Variants in AMDHD2 observed in about 807,000 individuals in gnomAD.
The protein encoded by AMDHD2 is amidohydrolase domain containing 2, also known as N-acetylglucosamine-6-phosphate deacetylase.
In AMDHD2, 24 loss-of-function variants were observed where a neutral mutation model predicts 41.8. The observed-to-expected ratio is 0.57, with a 90% CI of 0.42 to 0.81. The LOEUF (loss-of-function observed/expected upper bound fraction) is 0.81. Ranked by LOEUF, AMDHD2 falls within the 30% of genes least tolerant of loss-of-function variation. The pLI, the probability that AMDHD2 is intolerant of heterozygous loss-of-function variation, is 0.00. For synonymous variants in AMDHD2, 332 were observed against 255.5 expected, an observed-to-expected ratio of 1.30 and a Z score of -2.85; for missense variants, 540 against 588.5, an observed-to-expected ratio of 0.92 and a Z score of 0.85.
rs781126788 is a variant in AMDHD2, at chr16:2,521,106, C to G, written c.343C>G (p.Pro115Ala). ...SFCPTLVTSP[P>A]EVYHKVVPQI... The stretch of plus-strand genomic sequence containing the variant: ...CTGCCCCACCCTGGTCACTTCCCCA[C>G]CGGAGGTTTATCACAAGGTGAGGTG... The change falls in exon 3 of 11, where the codon CCG becomes GCG. Residue 115 changes from proline (P) to alanine (A), a missense_variant. Physicochemically the swap from Pro to Ala is conservative, Grantham distance 27. Coordinates refer to ENST00000293971, the MANE Select transcript of AMDHD2 (RefSeq NM_001330449.2). 1.3e-6 allele frequency: 2 copies of G among 1,589,348 alleles called. No individual in the cohort carries two copies. The highest frequency in any genetic ancestry group is 1.1e-5 in the South Asian group (1 of 89,086).
chr16:2,529,882 T>A lies in AMDHD2; in HGVS notation c.*319T>A. 8.2e-7 allele frequency: 1 copy of A among 1,225,462 alleles called. No individual in the cohort carries two copies. The highest frequency in any genetic ancestry group is 1.1e-6 in the Non-Finnish European group (1 of 916,902). 75.9% of individuals were successfully genotyped at this position (1,225,462 alleles called of 1,614,324 possible). A position where few individuals can be genotyped will look rare whatever the true frequency, so the allele number is the denominator to read the frequency against. On this transcript the variant is annotated 3_prime_UTR_variant, in exon 11 of 11. Coordinates refer to ENST00000293971, the MANE Select transcript of AMDHD2 (RefSeq NM_001330449.2). ...CAGTGGGGGACAGGGCCTGTCTGCA[T>A]GAAGTGGACCGGAGACCTGCAGACC... is the stretch of plus-strand genomic sequence containing the variant.
Position 2,528,247 on chromosome 16 carries a change from C to T in AMDHD2, c.729C>T (p.Arg243=), listed in dbSNP as rs749684913. 34 of 1,611,894 alleles carry T rather than the reference C, an allele frequency of 2.1e-5. No individual in the cohort carries two copies. The highest frequency in any genetic ancestry group is 1.6e-4 in the Middle Eastern group (1 of 6,082). The change falls in exon 7 of 11, where the codon CGC becomes CGT. Residue 243 remains arginine (R), a synonymous_variant. Transcript: ENST00000293971. The stretch of plus-strand genomic sequence containing the variant: ...TCGCCCCTGCCCAGTTCCACCACCG[C>T]GACCCAGGCATCGTGGGGCTCCTGA... The part of the protein sequence containing the change: ...LFNAMLPFHH[R]DPGIVGLLTS...
Position 2,528,339 on chromosome 16 carries a change from A to C in AMDHD2, c.821A>C (p.Asn274Thr), listed in dbSNP as rs575572848. Residue 274 changes from asparagine to threonine, a missense_variant, in exon 7 of 11, where the codon AAC (asparagine) becomes ACC (threonine). By Grantham distance (65) the Asn-to-Thr change is moderately conservative. Coordinates refer to ENST00000293971, the MANE Select transcript of AMDHD2 (RefSeq NM_001330449.2). ...YGMIADGTHT[N>T]PAALRIAHRA... ...ATGATTGCAGATGGCACGCACACCA[A>C]CCCCGCCGCCCTGCGGATCGCCCAC... 2 of 1,612,508 alleles carry C rather than the reference A, an allele frequency of 1.2e-6. No homozygotes were observed. Among genetic ancestry groups the C allele is most frequent in the Non-Finnish European group, 1.7e-6 (2 of 1,179,908 alleles).
At chr16:2,520,654 T>G (rs1596987695) in intron 1 of AMDHD2, 113 bp downstream of exon 1, 2 of 1,034,512 alleles carry the variant, frequency 1.9e-6, no homozygotes, top group Non-Finnish European at 2.3e-6. Context: ...GGGTGCAGGG[T>G]GCGGGGCCGG....
chr16:2,528,187 C>T, intron 6 of AMDHD2, 39 bp downstream of exon 6: 1 of 1,612,312 alleles, frequency 6.2e-7, no homozygotes, highest in Non-Finnish European at 8.5e-7. Flanking sequence ...GCTGGGGTCC[C>T]AGCAGCCCCT....
chr16:2,530,040 T>C lies in AMDHD2; in HGVS notation c.*477T>C, dbSNP rs1597001209. 5 of 776,020 alleles carry C rather than the reference T, an allele frequency of 6.4e-6. No individual in the cohort carries two copies. Among genetic ancestry groups the C allele is most frequent in the Admixed American group, 6.0e-5 (2 of 33,370 alleles). The allele number at this position is 776,020 out of a possible 1,614,324, so 48.1% of individuals were successfully genotyped here. On this transcript the variant is annotated 3_prime_UTR_variant, in exon 11 of 11. Coordinates refer to ENST00000293971, the MANE Select transcript of AMDHD2 (RefSeq NM_001330449.2). ...CACAGGGAGTGTGGACAGTCAGGGG[T>C]TTGCTTTCTGCTCCTGAGTTGGGGT...
intron 3 of AMDHD2, among the ~76,000 whole-genome samples, chr16:2,523,093 C>A (rs2065962705): frequency 6.6e-6 from 1 of 152,186 alleles, no homozygotes; most frequent in South Asian, 2.1e-4. Context: ...CTGCCCATCT[C>A]AGCCTCCCAA....
At chr16:2,523,342 C>T (rs890264962) in intron 3 of AMDHD2, among the ~76,000 whole-genome samples, 5 of 152,110 alleles carry the variant, frequency 3.3e-5, no homozygotes, top group Non-Finnish European at 7.4e-5. Flanking sequence ...AGGGGTCCCT[C>T]TCTTGGTGTG....
At chr16:2,529,258 C>T (rs549420790) in intron 10 of AMDHD2, 163 bp downstream of exon 10, 2 of 1,045,474 alleles carry the variant, frequency 1.9e-6, no homozygotes, top group South Asian at 1.7e-5. Flanking sequence ...GTGTTGCCAT[C>T]AGGCCGGGCT....
At chr16:2,529,313 T>A (rs1597000290) in intron 10 of AMDHD2, 162 bp from the exon 11 acceptor site, 1 of 1,225,978 alleles carries the variant, frequency 8.2e-7, no homozygotes, top group East Asian at 2.5e-5. Flanking sequence ...GCAGGGAGCA[T>A]TGTCCAGTAC....
chr16:2,521,916 C>G (rs1363113390), intron 3 of AMDHD2, among the ~76,000 whole-genome samples: 1 of 151,886 alleles, frequency 6.6e-6, no homozygotes, highest in East Asian at 1.9e-4. Context: ...TCCCAAGTAG[C>G]TGGGACTACA....
intron 3 of AMDHD2, among the ~76,000 whole-genome samples, chr16:2,525,739 T>G (rs2065995800): frequency 6.6e-6 from 1 of 152,112 alleles, no homozygotes; most frequent in South Asian, 2.1e-4. Context: ...AGAGATGCGG[T>G]TTCACCACAT....
intron 3 of AMDHD2, among the ~76,000 whole-genome samples, chr16:2,522,413 T>G (rs2065953079): frequency 6.6e-6 from 1 of 151,244 alleles, no homozygotes; most frequent in African/African-American, 2.4e-5. Context: ...CCGGGCGCGG[T>G]GGCTCACGCC....
At position 2,531,409 on chromosome 16, in the gene AMDHD2, CTA is replaced by C. The variant is rs2066095350; in HGVS notation, c.*1848_*1849del. 2.0e-6 allele frequency: 1 copy of C among 498,762 alleles called. No homozygotes were observed. The highest frequency in any genetic ancestry group is 4.4e-5 in the South Asian group (1 of 22,494). The allele number at this position is 498,762 out of a possible 1,614,324, so 30.9% of individuals were successfully genotyped here. A position where few individuals can be genotyped will look rare whatever the true frequency, so the allele number is the denominator to read the frequency against. Reference sequence around the variant, plus strand: ...GTGGTAAAATACATAACAAAAGTAACTATCGTAACCTGAGCAGTTCTGTGACA... The same window carrying C: ...GTGGTAAAATACATAACAAAAGTAACTCGTAACCTGAGCAGTTCTGTGACA... On this transcript the variant is annotated 3_prime_UTR_variant, in exon 11 of 11. Transcript: ENST00000293971.
rs751896598 is a variant in AMDHD2, at chr16:2,528,545, C to T, written c.956C>T (p.Thr319Met). The change falls in exon 8 of 11, where the codon ACG (threonine) becomes ATG (methionine). Residue 319 changes from threonine to methionine, a missense_variant. Transcript: ENST00000293971. Reference sequence around the variant, plus strand: ...CAGGAAGTGGAAGTGGACGGTCTGACGGCCTACGTGGCAGGTGAGCGCCCT... The same window carrying T: ...CAGGAAGTGGAAGTGGACGGTCTGATGGCCTACGTGGCAGGTGAGCGCCCT... ...GQQEVEVDGLTAYVAGTKTLS... is the reference protein window; with the variant it reads ...GQQEVEVDGLMAYVAGTKTLS... The T allele has an allele frequency of 6.2e-6, 10 of 1,612,652 alleles. No individual in the cohort carries two copies. The highest frequency in any genetic ancestry group is 3.3e-5 in the South Asian group (3 of 91,072).
At position 2,520,863 on chromosome 16, in the gene AMDHD2, G is replaced by T. The variant is rs906071187; in HGVS notation, c.178G>T (p.Gly60Cys). The T allele has an allele frequency of 1.9e-6, 3 of 1,610,660 alleles. No individual in the cohort carries two copies. The highest frequency in any genetic ancestry group is 2.2e-5 in the East Asian group (1 of 44,718). Residue 60 changes from glycine to cysteine, a missense_variant, in exon 2 of 11, where the codon GGC becomes TGC. Coordinates refer to ENST00000293971, the MANE Select transcript of AMDHD2 (RefSeq NM_001330449.2). ...GGCCGACGAGCGGCGGGACTGCGGGGGCCGCATCTTGGCTCCCGGATTCAT... is the reference window on the plus strand; with the variant it reads ...GGCCGACGAGCGGCGGGACTGCGGGTGCCGCATCTTGGCTCCCGGATTCAT... ...RVADERRDCG[G>C]RILAPGFIDV...
At chr16:2,521,235 G>T in intron 3 of AMDHD2, 112 bp downstream of exon 3, 1 of 1,339,786 alleles carries the variant, frequency 7.5e-7, no homozygotes, top group Non-Finnish European at 9.8e-7. Context: ...ATGGTCCTGA[G>T]TCTGGCCTCC....
intron 3 of AMDHD2, among the ~76,000 whole-genome samples, chr16:2,524,937 GC>G (rs1453507957): frequency 6.6e-5 from 10 of 151,650 alleles, no homozygotes; most frequent in African/African-American, 2.4e-4. Flanking sequence ...GGGATGTGTG[GC>G]CCAGTGACAT....
intron 10 of AMDHD2, 94 bp from the exon 11 acceptor site, chr16:2,529,381 G>C: frequency 2.5e-6 from 4 of 1,572,652 alleles, no homozygotes; most frequent in Non-Finnish European, 3.4e-6. Context: ...CTGGGCCTCA[G>C]TTTCCCCACC....
Sources: gnomAD v4.1 joint callset for allele counts (sites outside exome capture counted in the v4.1 genomes callset) on GRCh38, gnomAD v4.1.1 for gene constraint, MANE v1.5 for transcripts, NCBI Gene and HGNC (gene_info 2026-07-23, HGNC 2026-07-21) for gene names.